CAPN10: variants seen among roughly 807,000 people sequenced by gnomAD.
The protein encoded by CAPN10 is calpain-10.
In CAPN10, 71 loss-of-function variants were observed where a neutral mutation model predicts 78.4. That is an observed-to-expected ratio of 0.91 (90% CI 0.75 to 1.10). The LOEUF (loss-of-function observed/expected upper bound fraction) is 1.10. Ranked by LOEUF, CAPN10 falls within the 50% of genes least tolerant of loss-of-function variation. The probability of loss-of-function intolerance (pLI) is 0.00; values close to 1 mark genes in which losing one functional copy is unlikely to be tolerated. For synonymous variants in CAPN10, 437 were observed against 407.2 expected (o/e 1.07, Z -0.88); for missense variants, 849 against 924.6 (o/e 0.92, Z 1.06).
Position 240,597,911 on chromosome 2 carries a change from G to T in CAPN10, c.1767G>T (p.Gln589His). The T allele has an allele frequency of 6.2e-7, 1 of 1,608,078 alleles. No homozygotes were observed. Residue 589 changes from glutamine (Q) to histidine (H), a missense_variant, in exon 10 of 12, where the codon CAG becomes CAT. Transcript: ENST00000391984. ...IFQVPEGGRSQDAPPLLLQEP... is the reference protein window; with the variant it reads ...IFQVPEGGRSHDAPPLLLQEP... ...AGGTCCCAGAGGGTGGAAGGAGCCA[G>T]GACGCACCCCCACTGCTGCTGCAGG... is the stretch of plus-strand genomic sequence containing the variant.
Position 240,587,903 on chromosome 2 carries a change from T to C in CAPN10, c.141+851T>C, listed in dbSNP as rs551870775. Among the ~76,000 whole-genome samples the C allele has an allele frequency of 7.9e-5, 12 of 152,344 alleles. No individual in the cohort carries two copies. The South Asian group carries it at 2.3e-3, about 29-fold the overall frequency. The stretch of plus-strand genomic sequence containing the variant: ...TGTGTTTTTACAAGCTCACTCTTGC[T>C]GCTGGGTGGGAAGTGGGTTGTCGGG... On this transcript the variant is annotated intron_variant, in intron 1 of 11. Coordinates refer to ENST00000391984, the MANE Select transcript of CAPN10 (RefSeq NM_023083.4).
At chr2:240,591,061 C>T in intron 3 of CAPN10, 50 bp downstream of exon 3, 1 of 1,563,170 alleles carries the variant, frequency 6.4e-7, no homozygotes, top group Non-Finnish European at 8.8e-7. Context: ...GTGGGAGCTG[C>T]CACTACCATG....
intron 9 of CAPN10, 72 bp from the exon 10 acceptor site, chr2:240,597,816 G>T: frequency 2.2e-6 from 3 of 1,357,956 alleles, no homozygotes; most frequent in South Asian, 2.6e-5. Flanking sequence ...AAGGGCATCC[G>T]AGCAGATGGC....
intron 7 of CAPN10, 135 bp from the exon 8 acceptor site, chr2:240,596,184 G>T (rs563636409): frequency 6.7e-7 from 1 of 1,481,542 alleles, no homozygotes; most frequent in Non-Finnish European, 9.0e-7. Flanking sequence ...CTGAGAGAGG[G>T]TGGAGGGTGC....
intron 7 of CAPN10, chr2:240,595,976 A>C (rs1204253980): frequency 1.4e-6 from 2 of 1,381,492 alleles, no homozygotes; most frequent in South Asian, 2.4e-5. Flanking sequence ...CCCTTCATGG[A>C]TGTGGCCCAC....
rs2093069889 is a variant in CAPN10 at position 240,586,745 on chromosome 2, C to T, written c.-167C>T. The T allele has an allele frequency of 5.7e-6, 3 of 524,454 alleles. No individual in the cohort carries two copies. The highest frequency in any genetic ancestry group is 8.7e-6 in the Non-Finnish European group (3 of 342,954). 32.5% of individuals were successfully genotyped at this position (524,454 alleles called of 1,614,324 possible). ...TGGTTACCAATGGGAGACTAGCGGG[C>T]CGGCGTACTGGCCTGGTCCAGCACC... On this transcript the variant is annotated 5_prime_UTR_variant, in exon 1 of 12. Coordinates refer to ENST00000391984, the MANE Select transcript of CAPN10 (RefSeq NM_023083.4).
intron 5 of CAPN10, chr2:240,594,336 A>G: frequency 1.6e-6 from 1 of 641,144 alleles, no homozygotes; most frequent in Non-Finnish European, 2.7e-6. Context: ...CTCTGGGAAA[A>G]GAGAGGGCTC....
In CAPN10 at chr2:240,586,782, C is replaced by T. The variant is rs1485710222; in HGVS notation, c.-130C>T. ...CCTGGTCCAGCACCTGCGGGGCCCT[C>T]GGGCTTGGAGGGCTGGGCCGGGCGG... On this transcript the variant is annotated 5_prime_UTR_variant, in exon 1 of 12. Transcript: ENST00000391984. 10 of 939,492 alleles carry T rather than the reference C, an allele frequency of 1.1e-5. No homozygotes were observed. Among genetic ancestry groups the T allele is most frequent in the African/African-American group, 1.7e-5 (1 of 57,724 alleles). The allele number at this position is 939,492 out of a possible 1,614,324, so 58.2% of individuals were successfully genotyped here.
In CAPN10 at chr2:240,596,726, G is replaced by A. The variant is rs779325115; in HGVS notation, c.1527G>A (p.Leu509=). The change falls in exon 9 of 12, where the codon CTG becomes CTA. Residue 509 remains leucine (L), a synonymous_variant. Transcript: ENST00000391984. ...AGAACACCACCCCCGGGGCAGCCCT[G>A]CCTGCGGGGGAGTGGGGGACCGTGC... The part of the protein sequence containing the change: ...VAKNTTPGAA[L]PAGEWGTVQL... 2 of 1,586,160 alleles carry A rather than the reference G, an allele frequency of 1.3e-6. No individual in the cohort carries two copies. Among genetic ancestry groups the A allele is most frequent in the South Asian group, 1.2e-5 (1 of 86,898 alleles).
In CAPN10 at chr2:240,591,979, G is replaced by C; in HGVS notation, c.517G>C (p.Ala173Pro). 6.2e-7 allele frequency: 1 copy of C among 1,613,564 alleles called. No homozygotes were observed. The highest frequency in any genetic ancestry group is 8.5e-7 in the Non-Finnish European group (1 of 1,180,018). ...CCTGTGGGCCGGGCAGGTGGCGGAT[G>C]CCCTGGTGGACCTGACCGGCGGCCT... ...EHLWAGQVAD[A>P]LVDLTGGLAE... is the part of the protein sequence containing the mutation. Residue 173 changes from alanine (A) to proline (P), a missense_variant, in exon 4 of 12, where the codon GCC (alanine) becomes CCC (proline). By Grantham distance (27) the Ala-to-Pro change is conservative. Transcript: ENST00000391984.
At chr2:240,595,803 C>T (rs2093132987) in intron 7 of CAPN10, 16 of 562,760 alleles carry the variant, frequency 2.8e-5, no homozygotes, top group South Asian at 2.6e-4. Flanking sequence ...GGCTCAACCA[C>T]TGGTTCACAA....
chr2:240,594,123 T>G, intron 5 of CAPN10, 76 bp downstream of exon 5: 5 of 1,432,576 alleles, frequency 3.5e-6, no homozygotes, highest in Non-Finnish European at 4.7e-6. Context: ...CCTGGTCACC[T>G]TCAGCTGTCA....
Position 240,596,800 on chromosome 2 carries a change from A to G in CAPN10, c.1601A>G (p.Asn534Ser). ...RVGQTAGGSR[N>S]FASYPTNPCF... ...GGCCAGACGGCGGGGGGCAGCAGGA[A>G]CTTTGCCTCATACCCCACCAACCCC... The change falls in exon 9 of 12, where the codon AAC becomes AGC. Residue 534 changes from asparagine (N) to serine (S), a missense_variant. Coordinates refer to ENST00000391984, the MANE Select transcript of CAPN10 (RefSeq NM_023083.4). 2 of 1,613,078 alleles carry G rather than the reference A, an allele frequency of 1.2e-6. No individual in the cohort carries two copies. The highest frequency in any genetic ancestry group is 1.7e-4 in the Middle Eastern group (1 of 6,058).
chr2:240,594,799 C>G (rs1575450016), intron 6 of CAPN10, 90 bp downstream of exon 6: 1 of 1,078,728 alleles, frequency 9.3e-7, no homozygotes, highest in Non-Finnish European at 1.2e-6. Flanking sequence ...TGCCCAGGCC[C>G]AGTTTGGTTC....
chr2:240,594,362 C>CCTT, intron 5 of CAPN10, 181 bp from the exon 6 acceptor site: 1 of 690,654 alleles, frequency 1.4e-6, no homozygotes, highest in Non-Finnish European at 2.5e-6. Context: ...TGGCCGCTGC[C>CCTT]CAGAAGGCCC....
chr2:240,590,782 C>T (rs771728454), intron 2 of CAPN10, 33 bp from the exon 3 acceptor site: 30 of 1,604,576 alleles, frequency 1.9e-5, no homozygotes, highest in Middle Eastern at 3.4e-4. Flanking sequence ...GCTTATATCA[C>T]GCTCGCCTTT....
chr2:240,596,860 C>G lies in CAPN10; in HGVS notation c.1661C>G (p.Pro554Arg), dbSNP rs1249721523. ...FPFSVPEGPG[P>R]RCVRITLHQH... ...TTCTCGGTCCCCGAGGGCCCTGGCC[C>G]CCGCTGCGTCCGCATCACTCTGCAT... Residue 554 changes from proline (P) to arginine (R), a missense_variant, in exon 9 of 12, where the codon CCC (proline) becomes CGC (arginine). Pro to Arg is a moderately radical substitution (Grantham distance 103). Transcript: ENST00000391984. 1 of 1,613,478 alleles carries G rather than the reference C, an allele frequency of 6.2e-7. No individual in the cohort carries two copies. Among genetic ancestry groups the G allele is most frequent in the Non-Finnish European group, 8.5e-7 (1 of 1,180,028 alleles).
chr2:240,589,518 T>A (rs745847820), intron 2 of CAPN10, 44 bp downstream of exon 2: 1 of 1,567,814 alleles, frequency 6.4e-7, no homozygotes, highest in Non-Finnish European at 8.6e-7. Context: ...CCGGTTTCTT[T>A]TTGCGTTTCT....
chr2:240,595,473 C>T (rs1184334993), intron 7 of CAPN10, 169 bp downstream of exon 7: 2 of 690,974 alleles, frequency 2.9e-6, no homozygotes, highest in African/African-American at 3.6e-5. Flanking sequence ...GCTGGTGCTC[C>T]CAGACCCGGC....
Sources: gnomAD v4.1 joint callset for allele counts (sites outside exome capture counted in the v4.1 genomes callset) on GRCh38, gnomAD v4.1.1 for gene constraint, MANE v1.5 for transcripts, NCBI Gene and HGNC (gene_info 2026-07-23, HGNC 2026-07-21) for gene names.